Variants in CSMD1 observed in about 807,000 individuals in gnomAD.
CSMD1 encodes the protein CUB and Sushi multiple domains 1.
Under a neutral mutation model 417.5 loss-of-function variants are expected in CSMD1, and 213 were observed. The ratio of observed to expected loss-of-function variants is 0.51; its 90% CI spans 0.46 to 0.57. CSMD1 has a LOEUF of 0.57. Ranked by LOEUF, CSMD1 falls within the 20% of genes least tolerant of loss-of-function variation. The probability of loss-of-function intolerance (pLI) is 0.00; values close to 1 mark genes in which losing one functional copy is unlikely to be tolerated. For synonymous variants in CSMD1, 2,862 were observed against 1,736.8 expected (o/e 1.65, Z -16.11); for missense variants, 6,923 against 4,529.7 (o/e 1.53, Z -15.17).
chr8:4,708,337 G>A lies in CSMD1; in HGVS notation c.86-70779C>T, dbSNP rs145106030. ...TTCTCTCTCCCTAGGTGGAATGTAA[G>A]CTCCGTGAACATTTAGACAACATCT... On this transcript the variant is annotated intron_variant, in intron 1 of 69. Transcript: ENST00000635120. 1.1e-3 allele frequency among the ~76,000 whole-genome samples: 162 copies of A among 152,250 alleles called. 1 individual carries two copies. In the East Asian group the frequency reaches 0.028, roughly 26 times the overall value.
chr8:4,226,717 A>G (rs946982221), intron 3 of CSMD1, among the ~76,000 whole-genome samples: 1 of 152,184 alleles, frequency 6.6e-6, no homozygotes, highest in Non-Finnish European at 1.5e-5. Flanking sequence ...AAAAGAAAAA[A>G]AAATGAGTTT....
chr8:3,969,205 G>C (rs187522150), intron 5 of CSMD1, among the ~76,000 whole-genome samples: 1 of 152,098 alleles, frequency 6.6e-6, no homozygotes, highest in Non-Finnish European at 1.5e-5. Flanking sequence ...AGCCTAGATC[G>C]TGACACTGCA....
In CSMD1 at chr8:3,468,742, C is replaced by G. The variant is rs371342858; in HGVS notation, c.1531G>C (p.Gly511Arg). The G allele has an allele frequency of 1.2e-4, 189 of 1,605,856 alleles. No individual in the cohort carries two copies. Among genetic ancestry groups the G allele is most frequent in the Non-Finnish European group, 1.5e-4 (180 of 1,176,356 alleles). Reference sequence around the variant, plus strand: ...TAAACAGCTTTAAACCCAGGTGAGCCAATGCTATCATCCGACTGCAGATGT... The same window carrying G: ...TAAACAGCTTTAAACCCAGGTGAGCGAATGCTATCATCCGACTGCAGATGT... ...WLHLQSDDSI[G>R]SPGFKAVYQE... The change falls in exon 12 of 70, where the codon GGC becomes CGC. Residue 511 changes from glycine (G) to arginine (R), a missense_variant. Gly to Arg is a moderately radical substitution (Grantham distance 125). Transcript: ENST00000635120.
At chr8:4,815,013 A>C (rs1332665725) in intron 1 of CSMD1, among the ~76,000 whole-genome samples, 1 of 152,172 alleles carries the variant, frequency 6.6e-6, no homozygotes, top group African/African-American at 2.4e-5. Context: ...TTTATTAATT[A>C]TATAGAATTA....
chr8:4,821,991 T>G (rs1422915215), intron 1 of CSMD1, among the ~76,000 whole-genome samples: 2 of 152,186 alleles, frequency 1.3e-5, no homozygotes, highest in Non-Finnish European at 2.9e-5. Flanking sequence ...AAAGTTCCTC[T>G]GTAATGCAAT....
chr8:3,130,099 T>C (rs1037343367), intron 41 of CSMD1, among the ~76,000 whole-genome samples: 1 of 152,138 alleles, frequency 6.6e-6, no homozygotes, highest in Non-Finnish European at 1.5e-5. Context: ...CAGTTAATGG[T>C]TTATGGCATA....
At chr8:4,664,343 T>C (rs1804785591) in intron 1 of CSMD1, among the ~76,000 whole-genome samples, 1 of 152,158 alleles carries the variant, frequency 6.6e-6, no homozygotes, top group South Asian at 2.1e-4. Context: ...GCGGATCACT[T>C]GAGCTCAGGA....
rs1041798400 is a variant in CSMD1, at chr8:2,974,621, A to T, written c.8570T>A (p.Ile2857Lys). The T allele has an allele frequency of 1.3e-6, 2 of 1,581,858 alleles. No individual in the cohort carries two copies. The highest frequency in any genetic ancestry group is 1.2e-5 in the South Asian group (1 of 86,520). Residue 2857 changes from isoleucine (I) to lysine (K), a missense_variant, in exon 56 of 70, where the codon ATA becomes AAA. By Grantham distance (102) the Ile-to-Lys change is moderately radical (BLOSUM62 -3). Transcript: ENST00000635120. ...AGGGACCCCTGGGTGTCCACACGAT[A>T]TAGCTTCAGAAAAAAGATAAAACAA... ...WDRSLPKCLA[I>K]SCGHPGVPAN...
intron 41 of CSMD1, among the ~76,000 whole-genome samples, chr8:3,120,089 A>G (rs114881498): frequency 0.023 from 3,537 of 152,268 alleles, 148 homozygotes; most frequent in African/African-American, 0.081. Context: ...AAAAGGAAAC[A>G]GTATATTATT....
At chr8:4,041,240 A>G (rs565664565) in intron 3 of CSMD1, among the ~76,000 whole-genome samples, 111 of 151,900 alleles carry the variant, frequency 7.3e-4, no homozygotes, top group Middle Eastern at 6.8e-3. Context: ...GATGGTCACG[A>G]TCTCCTGACC....
At chr8:4,504,833 T>G (rs1009796491) in intron 2 of CSMD1, among the ~76,000 whole-genome samples, 1 of 152,204 alleles carries the variant, frequency 6.6e-6, no homozygotes, top group African/African-American at 2.4e-5. Flanking sequence ...TATGGCTGCA[T>G]AGTATTCCAT....
chr8:3,536,684 T>A (rs1798214067), intron 10 of CSMD1, among the ~76,000 whole-genome samples: 2 of 152,086 alleles, frequency 1.3e-5, no homozygotes, highest in Admixed American at 6.5e-5. Context: ...CACAGAGCAA[T>A]AGGATCTGTG....
chr8:3,735,601 C>A (rs1327232592), intron 6 of CSMD1, among the ~76,000 whole-genome samples: 1 of 152,212 alleles, frequency 6.6e-6, no homozygotes, highest in African/African-American at 2.4e-5. Flanking sequence ...CTTCACTACT[C>A]ATTTAACTCT....
intron 23 of CSMD1, among the ~76,000 whole-genome samples, chr8:3,315,942 G>T (rs74777955): frequency 0.042 from 6,392 of 152,148 alleles, 435 homozygotes; most frequent in African/African-American, 0.14. Context: ...ATCTTGTGCA[G>T]AGCTTCCAGC....
intron 3 of CSMD1, among the ~76,000 whole-genome samples, chr8:4,357,064 G>A (rs896929994): frequency 7.2e-5 from 11 of 152,150 alleles, no homozygotes; most frequent in African/African-American, 1.4e-4. Context: ...TATCTTTACT[G>A]AAGGAAGAAT....
intron 5 of CSMD1, among the ~76,000 whole-genome samples, chr8:3,921,133 A>G (rs536512854): frequency 1.3e-4 from 20 of 152,252 alleles, no homozygotes; most frequent in Middle Eastern, 3.4e-3. Context: ...ACACTGACAC[A>G]TTTCCCTTAT....
rs116577678 is a variant in CSMD1 at position 4,308,624 on chromosome 8, G to C, written c.415+111329C>G. ...GGAGAGAATTTGTTAAGCCTGCTTT[G>C]GAAAACTAAGGATTCTTATTCCAAG... On this transcript the variant is annotated intron_variant, in intron 3 of 69. Coordinates refer to ENST00000635120, the MANE Select transcript of CSMD1 (RefSeq NM_033225.6). 6.0e-3 allele frequency among the ~76,000 whole-genome samples: 919 copies of C among 152,256 alleles called. 12 individuals carry two copies. The highest frequency in any genetic ancestry group is 0.021 in the African/African-American group (872 of 41,540).
At chr8:4,894,010 A>T (rs1273590694) in intron 1 of CSMD1, among the ~76,000 whole-genome samples, 1 of 151,800 alleles carries the variant, frequency 6.6e-6, no homozygotes, top group Non-Finnish European at 1.5e-5. Flanking sequence ...TTATGTATAG[A>T]TACCTTTGGA....
Position 4,879,716 on chromosome 8 carries a change from T to C in CSMD1, c.85+114616A>G, listed in dbSNP as rs151301247. ...GGTGGAGCACTGCGAAAAAAAGTGCTATTAGAAAGGGATTGGGACTTTCAT... is the reference window on the plus strand; with the variant it reads ...GGTGGAGCACTGCGAAAAAAAGTGCCATTAGAAAGGGATTGGGACTTTCAT... On this transcript the variant is annotated intron_variant, in intron 1 of 69. Transcript: ENST00000635120. Among the ~76,000 whole-genome samples the C allele has an allele frequency of 2.0e-4, 30 of 152,204 alleles. No homozygotes were observed. In the East Asian group the frequency reaches 5.4e-3, roughly 27 times the overall value.
Sources: allele counts gnomAD v4.1 joint callset (sites outside exome capture counted in the v4.1 genomes callset), GRCh38; gene constraint gnomAD v4.1.1; transcripts MANE v1.5; gene names NCBI Gene and HGNC (gene_info 2026-07-23, HGNC 2026-07-21).